PDE3B: variants seen among roughly 807,000 people sequenced by gnomAD.
The protein encoded by PDE3B is cGMP-inhibited 3',5'-cyclic phosphodiesterase 3B.
Under a neutral mutation model 116.8 loss-of-function variants are expected in PDE3B, and 66 were observed. The observed-to-expected ratio is 0.56, with a 90% CI of 0.46 to 0.69. The LOEUF is 0.69. Ranked by LOEUF, PDE3B falls within the 30% of genes least tolerant of loss-of-function variation. The pLI is 0.00. For missense variants in PDE3B, 1,384 were observed against 1,368.1 expected (o/e 1.01, Z -0.18); for synonymous variants, 595 against 533.6 (o/e 1.12, Z -1.59).
At chr11:14,783,804 G>T (rs118150101) in intron 2 of PDE3B, among the ~76,000 whole-genome samples, 3,934 of 152,076 alleles carry the variant, frequency 0.026, 74 homozygotes, top group Middle Eastern at 0.075. Flanking sequence ...TGAAATGAAG[G>T]AAAACAAAAG....
chr11:14,873,135 C>T (rs576346353), downstream of PDE3B, among the ~76,000 whole-genome samples: 1 of 152,248 alleles, frequency 6.6e-6, no homozygotes, highest in East Asian at 1.9e-4. Context: ...CAAGGAAGTC[C>T]CCTCTGCTTT....
chr11:14,878,012 G>T, the PDE3B span: 2 of 1,131,828 alleles, frequency 1.8e-6, no homozygotes, highest in Non-Finnish European at 2.6e-6. Flanking sequence ...GTGTTCATTT[G>T]GCTTTTTGAT....
chr11:14,753,003 G>A (rs1857094929), intron 1 of PDE3B, among the ~76,000 whole-genome samples: 1 of 152,010 alleles, frequency 6.6e-6, no homozygotes, highest in Non-Finnish European at 1.5e-5. Flanking sequence ...TTAGTCTTCA[G>A]GTATTAAGGA....
chr11:14,653,143 G>A (rs1342693090), intron 1 of PDE3B, among the ~76,000 whole-genome samples: 3 of 152,092 alleles, frequency 2.0e-5, no homozygotes, highest in East Asian at 3.8e-4. Flanking sequence ...CAGCTTTGCT[G>A]AATTTGTTTG....
chr11:14,842,155 T>A (rs1565160331), intron 11 of PDE3B, among the ~76,000 whole-genome samples: 1 of 152,216 alleles, frequency 6.6e-6, no homozygotes, highest in Admixed American at 6.5e-5. Context: ...GTTTTGCATC[T>A]TCATTTCCAA....
intron 1 of PDE3B, among the ~76,000 whole-genome samples, chr11:14,734,670 C>A (rs1405260442): frequency 6.6e-6 from 1 of 152,048 alleles, no homozygotes; most frequent in Non-Finnish European, 1.5e-5. Context: ...TAATTCTATT[C>A]TTTTAAATGA....
chr11:14,830,747 TCAA>T lies in PDE3B; in HGVS notation c.1861_1863del (p.Gln621del). 2.0e-6 allele frequency: 3 copies of T among 1,509,494 alleles called. No individual in the cohort carries two copies. Among genetic ancestry groups the T allele is most frequent in the African/African-American group, 1.4e-5 (1 of 69,248 alleles). The allele number at this position is 1,509,494 out of a possible 1,614,324, so 93.5% of individuals were successfully genotyped here. On this transcript the variant is annotated inframe_deletion, in exon 8 of 16. Coordinates refer to ENST00000282096, the MANE Select transcript of PDE3B (RefSeq NM_000922.4). ...AAGAATCATTCAAACTTATGGAAAC[TCAA>T]CAAGAAGAGGAAACAGAGAAGAAAG...
At chr11:14,856,593 G>A (rs1555006211) in intron 12 of PDE3B, among the ~76,000 whole-genome samples, 2 of 151,852 alleles carry the variant, frequency 1.3e-5, no homozygotes, top group Non-Finnish European at 2.9e-5. Context: ...GGTGGCTCAC[G>A]CCTGTAATCC....
At chr11:14,882,482 A>G in the PDE3B span, among the ~76,000 whole-genome samples, 1 of 152,152 alleles carries the variant, frequency 6.6e-6, no homozygotes, top group African/African-American at 2.4e-5. Flanking sequence ...TATATACACA[A>G]GAAGGTACAG....
rs975882731 is a variant in PDE3B at position 14,656,188 on chromosome 11, T to C, written c.978+11135T>C. On this transcript the variant is annotated intron_variant, in intron 1 of 15. Transcript: ENST00000282096. ...AAAGTTTACTGGTGTCATTAGCTAATGTAGGGAACATTGGAAGATGAGCTG... is the reference window on the plus strand; with the variant it reads ...AAAGTTTACTGGTGTCATTAGCTAACGTAGGGAACATTGGAAGATGAGCTG... 2.6e-5 allele frequency among the ~76,000 whole-genome samples: 4 copies of C among 152,162 alleles called. No homozygotes were observed. The South Asian group carries it at 6.2e-4, about 24-fold the overall frequency.
At chr11:14,813,416 G>T (rs1211934157) in intron 5 of PDE3B, among the ~76,000 whole-genome samples, 1 of 152,036 alleles carries the variant, frequency 6.6e-6, no homozygotes, top group Non-Finnish European at 1.5e-5. Context: ...CATCTTCATT[G>T]CCAGCAATGT....
chr11:14,844,349 G>A (rs1015163779), intron 12 of PDE3B, among the ~76,000 whole-genome samples: 2 of 152,100 alleles, frequency 1.3e-5, no homozygotes, highest in East Asian at 1.9e-4. Flanking sequence ...TTTCTGTTCC[G>A]CTGGAGCCAA....
chr11:14,830,589 C>G (rs1859847389), intron 7 of PDE3B, 109 bp from the exon 8 acceptor site: 1 of 471,762 alleles, frequency 2.1e-6, no homozygotes, highest in Non-Finnish European at 3.6e-6. Flanking sequence ...AGATTGAACT[C>G]CATTATGATT....
At chr11:14,856,232 A>G (rs1202162880) in intron 12 of PDE3B, among the ~76,000 whole-genome samples, 5 of 152,210 alleles carry the variant, frequency 3.3e-5, no homozygotes, top group African/African-American at 1.2e-4. Context: ...ATTGCCTTCC[A>G]CTGTGACTGT....
chr11:14,836,400 AT>A (rs942192447), intron 11 of PDE3B, among the ~76,000 whole-genome samples: 31 of 151,278 alleles, frequency 2.0e-4, no homozygotes, highest in Admixed American at 9.9e-4. Flanking sequence ...TACTCATGTA[AT>A]TTTTTTTTGT....
Position 14,654,946 on chromosome 11 carries a change from AAGG to A in PDE3B, c.978+9897_978+9899del, listed in dbSNP as rs1414263929. Among the ~76,000 whole-genome samples, 12 of 61,876 alleles carry A rather than the reference AAGG, an allele frequency of 1.9e-4. No homozygotes were observed. The Admixed American group carries it at 2.7e-3, about 14-fold the overall frequency. 40.6% of individuals were successfully genotyped at this position (61,876 alleles called of 152,430 possible). A position where few individuals can be genotyped will look rare whatever the true frequency, so the allele number is the denominator to read the frequency against. On this transcript the variant is annotated intron_variant, in intron 1 of 15. Coordinates refer to ENST00000282096, the MANE Select transcript of PDE3B (RefSeq NM_000922.4). ...ACCAAATAATTAATATCAGAGAAAA[AAGG>A]AGGTCAAAAAAGGAAACCTAGGCGA...
At chr11:14,753,937 T>A (rs999952604) in intron 1 of PDE3B, among the ~76,000 whole-genome samples, 3 of 152,028 alleles carry the variant, frequency 2.0e-5, no homozygotes, top group Admixed American at 6.5e-5. Context: ...TTGGCTTGTT[T>A]ATTTTTATTT....
chr11:14,670,934 C>T (rs1455731568), intron 1 of PDE3B, among the ~76,000 whole-genome samples: 4 of 151,692 alleles, frequency 2.6e-5, no homozygotes, highest in Non-Finnish European at 5.9e-5. Context: ...GGCGCAAACT[C>T]CTGGGTAGGT....
At position 14,791,623 on chromosome 11, in the gene PDE3B, T is replaced by A. The variant is rs527905398; in HGVS notation, c.1415+2381T>A. On this transcript the variant is annotated intron_variant, in intron 4 of 15. Transcript: ENST00000282096. ...TGCCTATACTATTTTATGCTTTCAT[T>A]ACTACTTACTTGGGCTATTGAATTA... Among the ~76,000 whole-genome samples, 4 of 152,286 alleles carry A rather than the reference T, an allele frequency of 2.6e-5. No homozygotes were observed. In the South Asian group the frequency reaches 8.3e-4, roughly 32 times the overall value.
Sources: gnomAD v4.1 joint callset for allele counts (sites outside exome capture counted in the v4.1 genomes callset) on GRCh38, gnomAD v4.1.1 for gene constraint, MANE v1.5 for transcripts, NCBI Gene and HGNC (gene_info 2026-07-23, HGNC 2026-07-21) for gene names.